SFXN1: variants seen among roughly 807,000 people sequenced by gnomAD.
SFXN1 encodes sideroflexin 1.
A neutral mutation model predicts 39.5 loss-of-function variants in SFXN1; 32 were observed. The ratio of observed to expected loss-of-function variants is 0.81; its 90% CI spans 0.61 to 1.09. The LOEUF is 1.09. Among genes scored for constraint, SFXN1 ranks in the 50% least tolerant of loss-of-function variants. The pLI is 0.00. For synonymous variants in SFXN1, 136 were observed against 146.5 expected (o/e 0.93, Z 0.52); for missense variants, 402 against 407.1 (o/e 0.99, Z 0.11).
intron 8 of SFXN1, among the ~76,000 whole-genome samples, chr5:175,519,665 G>A (rs748364099): frequency 2.6e-5 from 4 of 151,966 alleles, no homozygotes; most frequent in Non-Finnish European, 4.4e-5. Context: ...GAAGAGGGAG[G>A]AACTGCAAAG....
intron 1 of SFXN1, among the ~76,000 whole-genome samples, chr5:175,486,372 C>G (rs1257818709): frequency 1.3e-5 from 2 of 152,194 alleles, no homozygotes; most frequent in Admixed American, 1.3e-4. Flanking sequence ...AGTTATTTCC[C>G]CTCTGGACCT....
At chr5:175,522,907 T>C (rs1410831752) in intron 10 of SFXN1, 1 of 154,400 alleles carries the variant, frequency 6.5e-6, no homozygotes, top group East Asian at 1.9e-4. Flanking sequence ...ATCCTGCCTT[T>C]GATGTGAGAA....
At chr5:175,498,861 AAAC>A (rs1235641547) in intron 2 of SFXN1, among the ~76,000 whole-genome samples, 2 of 152,174 alleles carry the variant, frequency 1.3e-5, no homozygotes, top group African/African-American at 4.8e-5. Flanking sequence ...GACAAACAGA[AAAC>A]AAATAGCAAG....
intron 7 of SFXN1, among the ~76,000 whole-genome samples, chr5:175,514,401 C>A (rs769114703): frequency 1.3e-5 from 2 of 152,106 alleles, no homozygotes; most frequent in Non-Finnish European, 2.9e-5. Context: ...TCTAGTCCAC[C>A]CTAAGGCTGC....
At chr5:175,485,694 A>G (rs1561651502) in intron 1 of SFXN1, among the ~76,000 whole-genome samples, 1 of 152,200 alleles carries the variant, frequency 6.6e-6, no homozygotes, top group East Asian at 1.9e-4. Context: ...GCTTCTGGGG[A>G]TTAGAATGAG....
intron 2 of SFXN1, among the ~76,000 whole-genome samples, chr5:175,502,153 G>C (rs1817937): frequency 6.6e-6 from 1 of 152,112 alleles, no homozygotes; most frequent in African/African-American, 2.4e-5. Flanking sequence ...GATCCAAAGT[G>C]CAAAATATCT....
At chr5:175,522,609 C>T (rs1043985953) in intron 10 of SFXN1, 187 bp downstream of exon 10, 1 of 522,008 alleles carries the variant, frequency 1.9e-6, no homozygotes, top group African/African-American at 2.0e-5. Flanking sequence ...TTCAGATGCA[C>T]CCAGCTCTTT....
intron 1 of SFXN1, among the ~76,000 whole-genome samples, chr5:175,487,073 G>C (rs1316664857): frequency 6.6e-6 from 1 of 152,118 alleles, no homozygotes; most frequent in Non-Finnish European, 1.5e-5. Flanking sequence ...ACCTAGGCCC[G>C]AGGGCAGGCA....
At chr5:175,499,006 G>A (rs1416746673) in intron 2 of SFXN1, among the ~76,000 whole-genome samples, 3 of 152,230 alleles carry the variant, frequency 2.0e-5, no homozygotes, top group Admixed American at 1.3e-4. Flanking sequence ...TGTAATCCCA[G>A]CACTTTGGGA....
chr5:175,501,063 ATTTTTTT>A (rs531862744), intron 2 of SFXN1, among the ~76,000 whole-genome samples: 1 of 116,084 alleles, frequency 8.6e-6, no homozygotes. Flanking sequence ...ATGGGCAAAG[ATTTTTTT>A]TTTTTTTTTT....
chr5:175,500,518 G>A (rs1760036500), intron 2 of SFXN1, among the ~76,000 whole-genome samples: 1 of 151,110 alleles, frequency 6.6e-6, no homozygotes, highest in Admixed American at 6.6e-5. Context: ...CAGTGTTCCT[G>A]TATTGGAAGA....
rs1200877986 is a variant in SFXN1 at position 175,522,037 on chromosome 5, C to T, written c.824+69C>T. 3.0e-5 allele frequency: 40 copies of T among 1,326,190 alleles called. No homozygotes were observed. The South Asian group carries it at 4.0e-4, about 13-fold the overall frequency. 82.2% of individuals were successfully genotyped at this position (1,326,190 alleles called of 1,614,324 possible). On this transcript the variant is annotated intron_variant, in intron 9 of 10. Transcript: ENST00000321442. ...TAAATACACAGCGTATGAAAGGTGACTGGGTAATATGGGATACAAATTTTG... is the reference window on the plus strand; with the variant it reads ...TAAATACACAGCGTATGAAAGGTGATTGGGTAATATGGGATACAAATTTTG...
chr5:175,516,803 C>A, intron 8 of SFXN1, 140 bp downstream of exon 8: 2 of 764,874 alleles, frequency 2.6e-6, no homozygotes, highest in South Asian at 5.1e-5. Context: ...AAAAGATGTT[C>A]CCAGGAAGAT....
intron 3 of SFXN1, 78 bp downstream of exon 3, chr5:175,509,280 G>A (rs1760426728): frequency 7.2e-7 from 1 of 1,395,750 alleles, no homozygotes; most frequent in Non-Finnish European, 9.7e-7. Flanking sequence ...AAATAATTTT[G>A]TTGAAATAAG....
At chr5:175,526,314 A>G (rs773491032) in intron 10 of SFXN1, among the ~76,000 whole-genome samples, 6 of 152,170 alleles carry the variant, frequency 3.9e-5, no homozygotes, top group Non-Finnish European at 5.9e-5. Context: ...AGGAAGTGGC[A>G]TTGCCACAAA....
chr5:175,526,933 T>TC lies in SFXN1; in HGVS notation c.*200dup. The TC allele has an allele frequency of 1.7e-6, 1 of 575,080 alleles. No homozygotes were observed. Among genetic ancestry groups the TC allele is most frequent in the Non-Finnish European group, 3.1e-6 (1 of 324,872 alleles). 35.6% of individuals were successfully genotyped at this position (575,080 alleles called of 1,614,324 possible). A position where few individuals can be genotyped will look rare whatever the true frequency, so the allele number is the denominator to read the frequency against. ...GTGCCTGATACTCCCTTACACTGAA[T>TC]CATGTTATGATTTATAGAAATACCT... On this transcript the variant is annotated 3_prime_UTR_variant, in exon 11 of 11. Coordinates refer to ENST00000321442, the MANE Select transcript of SFXN1 (RefSeq NM_022754.7).
At chr5:175,510,437 G>T (rs925534949) in intron 4 of SFXN1, 1 of 478,752 alleles carries the variant, frequency 2.1e-6, no homozygotes, top group East Asian at 4.1e-5. Flanking sequence ...GACATTACTC[G>T]TGCCTTTGGA....
chr5:175,513,964 G>A (rs777666642), intron 7 of SFXN1, among the ~76,000 whole-genome samples: 18 of 152,094 alleles, frequency 1.2e-4, no homozygotes, highest in Non-Finnish European at 2.1e-4. Context: ...GGGAGCAGTA[G>A]GAAGGGAGTC....
rs34907038 is a variant in SFXN1 at position 175,521,940 on chromosome 5, C to T, written c.796C>T (p.Pro266Ser). 8,268 of 1,602,092 alleles carry T rather than the reference C, an allele frequency of 5.2e-3. 30 individuals are homozygous for T. Among genetic ancestry groups the T allele is most frequent in the Non-Finnish European group, 6.1e-3 (7,195 of 1,171,996 alleles). The stretch of plus-strand genomic sequence containing the variant: ...ACAGAGGTTCCCATGGATGAGTGCA[C>T]CCATTCAAGTTGGGTTAGTTGGCTT... ...FLKRFPWMSAPIQVGLVGFCL... is the reference protein window; with the variant it reads ...FLKRFPWMSASIQVGLVGFCL... The change falls in exon 9 of 11, where the codon CCC becomes TCC. Residue 266 changes from proline (P) to serine (S), a missense_variant. Pro to Ser is a moderately conservative substitution (Grantham distance 74). Transcript: ENST00000321442.
Sources: gnomAD v4.1 joint callset for allele counts (sites outside exome capture counted in the v4.1 genomes callset) on GRCh38, gnomAD v4.1.1 for gene constraint, MANE v1.5 for transcripts, NCBI Gene and HGNC (gene_info 2026-07-23, HGNC 2026-07-21) for gene names.